The following ARHGAP24 variants were observed in gnomAD, a reference collection of about 807,000 sequenced individuals.
ARHGAP24 encodes Rho GTPase activating protein 24.
Under a neutral mutation model 76.4 loss-of-function variants are expected in ARHGAP24, and 50 were observed. The observed-to-expected ratio is 0.65, with a 90% CI of 0.52 to 0.83. The LOEUF is 0.83. ARHGAP24 is among the 40% of genes least tolerant of loss of function. The pLI, the probability that ARHGAP24 is intolerant of heterozygous loss-of-function variation, is 0.00. For synonymous variants in ARHGAP24, 345 were observed against 323.3 expected (o/e 1.07, Z -0.72); for missense variants, 930 against 914.2 (o/e 1.02, Z -0.22).
chr4:85,667,800 G>A (rs1161902571), intron 2 of ARHGAP24, among the ~76,000 whole-genome samples: 2 of 152,118 alleles, frequency 1.3e-5, no homozygotes, highest in African/African-American at 4.8e-5. Flanking sequence ...TTGGATACAA[G>A]AATTTCTTAA....
chr4:85,850,576 G>T (rs911405789), intron 3 of ARHGAP24, among the ~76,000 whole-genome samples: 2 of 152,082 alleles, frequency 1.3e-5, no homozygotes, highest in Non-Finnish European at 2.9e-5. Context: ...GCTTTCTCTT[G>T]TGGGCATTTA....
intron 1 of ARHGAP24, among the ~76,000 whole-genome samples, chr4:85,534,127 A>G (rs2110118371): frequency 6.6e-6 from 1 of 152,338 alleles, no homozygotes; most frequent in Non-Finnish European, 1.5e-5. Context: ...AGGCTATCAC[A>G]GAGGAGATGG....
chr4:85,506,207 C>A (rs958757825), intron 1 of ARHGAP24, among the ~76,000 whole-genome samples: 3 of 152,136 alleles, frequency 2.0e-5, no homozygotes, highest in Non-Finnish European at 2.9e-5. Context: ...GTCAGGGACC[C>A]ACTTGAGGAG....
chr4:85,886,336 A>G (rs10006500), intron 3 of ARHGAP24, among the ~76,000 whole-genome samples: 90,424 of 152,014 alleles, frequency 0.59, 27,003 homozygotes, highest in East Asian at 0.69. Context: ...GTGCAACAGT[A>G]AGCTGCCCCA....
At chr4:85,485,882 G>A (rs972203430) in intron 1 of ARHGAP24, among the ~76,000 whole-genome samples, 3 of 151,750 alleles carry the variant, frequency 2.0e-5, no homozygotes, top group Admixed American at 1.3e-4. Context: ...ACAGGCATGC[G>A]CCACCATGCC....
At chr4:85,933,919 C>T (rs759558575) in intron 4 of ARHGAP24, among the ~76,000 whole-genome samples, 6 of 152,220 alleles carry the variant, frequency 3.9e-5, no homozygotes, top group Non-Finnish European at 5.9e-5. Context: ...TCCTACACAG[C>T]AGCCACTTAG....
At chr4:85,889,803 A>T (rs1733783214) in intron 3 of ARHGAP24, among the ~76,000 whole-genome samples, 1 of 152,180 alleles carries the variant, frequency 6.6e-6, no homozygotes, top group Non-Finnish European at 1.5e-5. Flanking sequence ...AGCTGATAGT[A>T]GCAAGAGCAA....
intron 1 of ARHGAP24, among the ~76,000 whole-genome samples, chr4:85,522,323 T>C (rs1398959555): frequency 6.6e-6 from 1 of 151,938 alleles, no homozygotes; most frequent in Admixed American, 6.6e-5. Flanking sequence ...TATCCCAGAG[T>C]TTTTTGTTTT....
At chr4:85,961,315 A>C (rs1039473516) in intron 5 of ARHGAP24, among the ~76,000 whole-genome samples, 2 of 152,154 alleles carry the variant, frequency 1.3e-5, no homozygotes, top group African/African-American at 4.8e-5. Context: ...AAAAGGGACA[A>C]GTTTTGTGTG....
intron 8 of ARHGAP24, among the ~76,000 whole-genome samples, chr4:85,986,988 G>A (rs1249509002): frequency 6.6e-6 from 1 of 152,054 alleles, no homozygotes; most frequent in Non-Finnish European, 1.5e-5. Context: ...GGAATTTTTA[G>A]GGCAGTGAAA....
At chr4:85,573,577 T>A (rs1211269764) in intron 2 of ARHGAP24, among the ~76,000 whole-genome samples, 1 of 152,236 alleles carries the variant, frequency 6.6e-6, no homozygotes, top group Non-Finnish European at 1.5e-5. Context: ...CAACAAAGTT[T>A]AAGCCACATT....
intron 1 of ARHGAP24, among the ~76,000 whole-genome samples, chr4:85,569,610 C>A (rs1281309448): frequency 6.6e-6 from 1 of 152,186 alleles, no homozygotes; most frequent in African/African-American, 2.4e-5. Context: ...GACTGGTGCA[C>A]ACCACACCCT....
intron 2 of ARHGAP24, among the ~76,000 whole-genome samples, chr4:85,582,413 T>A (rs1351551): frequency 0.25 from 37,599 of 151,998 alleles, 6,639 homozygotes; most frequent in East Asian, 0.85. Context: ...ATCTCCGTTT[T>A]TGACTCTTTA....
chr4:85,814,324 A>G (rs535948009), intron 3 of ARHGAP24, among the ~76,000 whole-genome samples: 17 of 152,280 alleles, frequency 1.1e-4, no homozygotes, highest in Middle Eastern at 3.4e-3. Flanking sequence ...CATTAACTCA[A>G]AAGTCCACAG....
chr4:85,868,905 CTTT>C (rs1322574372), intron 3 of ARHGAP24, among the ~76,000 whole-genome samples: 1 of 152,030 alleles, frequency 6.6e-6, no homozygotes, highest in African/African-American at 2.4e-5. Context: ...GTTACCTTCT[CTTT>C]TTTCTTTTTA....
intron 8 of ARHGAP24, among the ~76,000 whole-genome samples, chr4:85,980,336 A>C (rs999682296): frequency 2.0e-5 from 3 of 152,216 alleles, no homozygotes; most frequent in Non-Finnish European, 4.4e-5. Context: ...TCAAAATTAT[A>C]ACTACAGGGT....
intron 8 of ARHGAP24, chr4:85,991,951 A>G (rs1166758616): frequency 7.7e-6 from 3 of 389,266 alleles, no homozygotes; most frequent in South Asian, 2.9e-4. Context: ...TTTTTTTTAA[A>G]GAAAAATCAA....
chr4:85,683,539 CTTGA>C (rs1355705246), intron 2 of ARHGAP24, among the ~76,000 whole-genome samples: 2 of 152,098 alleles, frequency 1.3e-5, no homozygotes, highest in East Asian at 1.9e-4. Flanking sequence ...ATTAGCTGCC[CTTGA>C]TTATTTTAAC....
chr4:85,713,130 T>G (rs1724589153), intron 2 of ARHGAP24, among the ~76,000 whole-genome samples: 1 of 152,044 alleles, frequency 6.6e-6, no homozygotes, highest in African/African-American at 2.4e-5. Flanking sequence ...AAACCCCATC[T>G]CTACAAAAAA....
Sources: gnomAD v4.1 joint callset for allele counts (sites outside exome capture counted in the v4.1 genomes callset) on GRCh38, gnomAD v4.1.1 for gene constraint, MANE v1.5 for transcripts, NCBI Gene and HGNC (gene_info 2026-07-23, HGNC 2026-07-21) for gene names.